The following NQO2 variants were observed in gnomAD, a reference collection of about 807,000 sequenced individuals.
NQO2 encodes the protein ribosyldihydronicotinamide dehydrogenase [quinone].
In NQO2, 18 loss-of-function variants were observed where a neutral mutation model predicts 22.0. That is an observed-to-expected ratio of 0.82 (90% CI 0.56 to 1.21). The LOEUF (loss-of-function observed/expected upper bound fraction) is 1.21, where lower values mean the gene tolerates loss of function less well. NQO2 is among the 50% of genes most tolerant of loss of function. The pLI is 0.00. For synonymous variants in NQO2, 106 were observed against 110.8 expected, an observed-to-expected ratio of 0.96 and a Z score of 0.28; for missense variants, 267 against 286.9, an observed-to-expected ratio of 0.93 and a Z score of 0.50.
rs1303157082 is a variant in NQO2 at position 3,009,877 on chromosome 6, A to C, written c.8-148A>C. The C allele has an allele frequency of 5.1e-6, 7 of 1,375,158 alleles. No individual in the cohort carries two copies. The African/African-American group carries it at 5.9e-5, about 12-fold the overall frequency. 85.2% of individuals were successfully genotyped at this position (1,375,158 alleles called of 1,614,324 possible). The stretch of plus-strand genomic sequence containing the variant: ...GTGAGACTGTCTAAAAAGAAGAGAG[A>C]GAAAGAGACAGAAAGAAAAGAAAAT... On this transcript the variant is annotated intron_variant, in intron 2 of 6. Transcript: ENST00000380455.
intron 3 of NQO2, among the ~76,000 whole-genome samples, chr6:3,011,938 A>G (rs1278577543): frequency 6.6e-6 from 1 of 152,268 alleles, no homozygotes; most frequent in Admixed American, 6.5e-5. Flanking sequence ...AGGGAATTCA[A>G]TAAGAAAGAA....
At chr6:3,004,414 C>G in intron 1 of NQO2, 1 of 985,652 alleles carries the variant, frequency 1.0e-6, no homozygotes, top group African/African-American at 1.7e-5. Context: ...AGTGACAGTG[C>G]CCCACTCTGT....
intron 4 of NQO2, 97 bp downstream of exon 4, chr6:3,012,771 A>G (rs748163819): frequency 1.5e-6 from 2 of 1,314,746 alleles, no homozygotes; most frequent in African/African-American, 1.5e-5. Flanking sequence ...AAGTGGCATC[A>G]ATGTTTTGAG....
chr6:3,015,769 T>C (rs1188840280), intron 5 of NQO2, 126 bp downstream of exon 5: 4 of 869,240 alleles, frequency 4.6e-6, no homozygotes, highest in Admixed American at 2.4e-5. Flanking sequence ...GCACCCACTA[T>C]GTACAAAGCA....
intron 5 of NQO2, among the ~76,000 whole-genome samples, chr6:3,016,153 G>A (rs1265510258): frequency 6.6e-6 from 1 of 152,164 alleles, no homozygotes; most frequent in African/African-American, 2.4e-5. Flanking sequence ...TTTTAAGGCT[G>A]GGTGCAGTGG....
chr6:3,019,717 A>G lies in NQO2; in HGVS notation c.*62A>G, dbSNP rs2113470873. 3 of 1,380,030 alleles carry G rather than the reference A, an allele frequency of 2.2e-6. No individual in the cohort carries two copies. Among genetic ancestry groups the G allele is most frequent in the Non-Finnish European group, 2.9e-6 (3 of 1,023,016 alleles). 85.5% of individuals were successfully genotyped at this position (1,380,030 alleles called of 1,614,324 possible). ...AGGAGGCCCAGGCGCAGGCAAAGAG[A>G]AGATGGTGCTGTCATGAAATAAAAT... On this transcript the variant is annotated 3_prime_UTR_variant, in exon 7 of 7. Coordinates refer to ENST00000380455, the MANE Select transcript of NQO2 (RefSeq NM_000904.6).
intron 4 of NQO2, among the ~76,000 whole-genome samples, chr6:3,014,422 G>A (rs1757255265): frequency 6.6e-6 from 1 of 152,112 alleles, no homozygotes. Flanking sequence ...TGTATCCTGG[G>A]GTGCGTGGTC....
At chr6:3,007,183 T>A (rs1427557405) in intron 2 of NQO2, among the ~76,000 whole-genome samples, 1 of 152,102 alleles carries the variant, frequency 6.6e-6, no homozygotes, top group Non-Finnish European at 1.5e-5. Flanking sequence ...GCACCCTGTT[T>A]AGCACCTAGC....
chr6:3,012,174 G>A (rs1757155409), intron 3 of NQO2, among the ~76,000 whole-genome samples: 1 of 152,188 alleles, frequency 6.6e-6, no homozygotes, highest in Non-Finnish European at 1.5e-5. Context: ...AAAATGTGGA[G>A]GTGAGCATGA....
At chr6:3,008,680 G>T (rs1326871407) in intron 2 of NQO2, among the ~76,000 whole-genome samples, 5 of 152,190 alleles carry the variant, frequency 3.3e-5, no homozygotes. Context: ...AATATTTCAC[G>T]TAGGTTCTTT....
At chr6:3,008,166 C>G (rs1463128566) in intron 2 of NQO2, among the ~76,000 whole-genome samples, 2 of 152,146 alleles carry the variant, frequency 1.3e-5, no homozygotes, top group Non-Finnish European at 2.9e-5. Context: ...ACCAGTAATC[C>G]CAGCACTCTG....
intron 1 of NQO2, chr6:3,004,654 G>A (rs1756876361): frequency 2.0e-6 from 2 of 985,418 alleles, no homozygotes; most frequent in Non-Finnish European, 2.4e-6. Context: ...CAGTCCTGGT[G>A]GGGATAAGCA....
chr6:3,010,913 ACCAT>A (rs912539086), intron 3 of NQO2, among the ~76,000 whole-genome samples: 1 of 151,730 alleles, frequency 6.6e-6, no homozygotes, highest in African/African-American at 2.4e-5. Context: ...GGCATAAACC[ACCAT>A]CTAGTGCCAA....
chr6:3,012,946 C>CTTTTTTTTTTT (rs751626888), intron 4 of NQO2, among the ~76,000 whole-genome samples: 1,162 of 60,716 alleles, frequency 0.019, 377 homozygotes, highest in African/African-American at 0.036. Flanking sequence ...TGTAACACTA[C>CTTTTTTTTTTT]TTTTTTTTTT....
chr6:3,009,376 A>G (rs1004685588), intron 2 of NQO2, among the ~76,000 whole-genome samples: 4 of 152,152 alleles, frequency 2.6e-5, no homozygotes, highest in Non-Finnish European at 5.9e-5. Flanking sequence ...TTCTTTTTTC[A>G]AGGTGCCCAG....
intron 6 of NQO2, 48 bp from the exon 7 acceptor site, chr6:3,019,431 T>C: frequency 3.2e-6 from 5 of 1,568,394 alleles, no homozygotes; most frequent in Non-Finnish European, 4.3e-6. Flanking sequence ...GAATGGTATG[T>C]AACAGGTGTA....
intron 2 of NQO2, among the ~76,000 whole-genome samples, chr6:3,008,449 A>G (rs1048281483): frequency 6.6e-6 from 1 of 150,768 alleles, no homozygotes; most frequent in African/African-American, 2.4e-5. Flanking sequence ...AAGGAAAGAA[A>G]AGAAAGTTTG....
At chr6:3,012,329 G>C in intron 3 of NQO2, 1 of 922,872 alleles carries the variant, frequency 1.1e-6, no homozygotes, top group Non-Finnish European at 1.3e-6. Context: ...TGTGTGTAGA[G>C]CACAGCACCT....
In NQO2 at chr6:3,006,688, G is replaced by C; in HGVS notation, c.7+129G>C. 2 of 900,912 alleles carry C rather than the reference G, an allele frequency of 2.2e-6. No homozygotes were observed. Among genetic ancestry groups the C allele is most frequent in the African/African-American group, 1.7e-5 (1 of 58,318 alleles). 55.8% of individuals were successfully genotyped at this position (900,912 alleles called of 1,614,324 possible). A position where few individuals can be genotyped will look rare whatever the true frequency, so the allele number is the denominator to read the frequency against. On this transcript the variant is annotated intron_variant, in intron 2 of 6. Coordinates refer to ENST00000380455, the MANE Select transcript of NQO2 (RefSeq NM_000904.6). This position sits in a 1 kb window ranked among gnomAD's most constrained non-coding sequence, Gnocchi z 4.0. ...ACATTGACCTTCCAGGTGGGAGTTA[G>C]ACTCTTAATCAGAAATTGGATACAT...
Sources: gnomAD v4.1 joint callset for allele counts (sites outside exome capture counted in the v4.1 genomes callset) on GRCh38, gnomAD v4.1.1 for gene constraint, Gnocchi (gnomAD v3.1) non-coding constraint, MANE v1.5 for transcripts, NCBI Gene and HGNC (gene_info 2026-07-23, HGNC 2026-07-21) for gene names.